GUCY2C: variants seen among roughly 807,000 people sequenced by gnomAD.
The protein encoded by GUCY2C is guanylate cyclase 2C.
GUCY2C carries 118 observed loss-of-function variants against 131.1 expected under a neutral mutation model. That is an observed-to-expected ratio of 0.90 (90% CI 0.78 to 1.05). The LOEUF (loss-of-function observed/expected upper bound fraction) is 1.05, where lower values mean the gene tolerates loss of function less well. GUCY2C is among the 50% of genes least tolerant of loss of function. The pLI is 0.00. For synonymous variants in GUCY2C, 452 were observed against 457.8 expected, an observed-to-expected ratio of 0.99 and a Z score of 0.16; for missense variants, 1,161 against 1,304.4, an observed-to-expected ratio of 0.89 and a Z score of 1.69.
In GUCY2C at chr12:14,625,105, T is replaced by C. The variant is rs12231047; in HGVS notation, c.2408+652A>G. 1.4e-3 allele frequency among the ~76,000 whole-genome samples: 215 copies of C among 152,304 alleles called. 3 individuals carry two copies. In the South Asian group the frequency reaches 0.019, roughly 13 times the overall value. ...GTTGCAAGACACCACTTGCCAAATGTGTTCCAACTCCTTTCCCCCAAGCTG... is the reference window on the plus strand; with the variant it reads ...GTTGCAAGACACCACTTGCCAAATGCGTTCCAACTCCTTTCCCCCAAGCTG... On this transcript the variant is annotated intron_variant, in intron 21 of 26. Coordinates refer to ENST00000261170, the MANE Select transcript of GUCY2C (RefSeq NM_004963.4).
chr12:14,674,154 A>G (rs1048972245), intron 8 of GUCY2C: 4 of 173,290 alleles, frequency 2.3e-5, no homozygotes, highest in Non-Finnish European at 3.8e-5. Context: ...GGAAAGGGCA[A>G]CATTGATCCA....
In GUCY2C at chr12:14,656,637, G is replaced by A. The variant is rs750710175; in HGVS notation, c.1365-20C>T. Reference sequence around the variant, plus strand: ...TATTTTCTGTGAAAGGAATAAAACTGGTCAATAGGTTTTTATTAATATCCA... The same window carrying A: ...TATTTTCTGTGAAAGGAATAAAACTAGTCAATAGGTTTTTATTAATATCCA... On this transcript the variant is annotated intron_variant, in intron 11 of 26. Transcript: ENST00000261170. 8.5e-7 allele frequency: 1 copy of A among 1,178,464 alleles called. No individual in the cohort carries two copies. The allele number at this position is 1,178,464 out of a possible 1,614,324, so 73.0% of individuals were successfully genotyped here. A position where few individuals can be genotyped will look rare whatever the true frequency, so the allele number is the denominator to read the frequency against.
In GUCY2C at chr12:14,676,907, GC is replaced by G. The variant is rs1177233101; in HGVS notation, c.894del (p.Leu299CysfsTer8). On this transcript the variant is annotated frameshift_variant, in exon 7 of 27. Transcript: ENST00000261170. LOFTEE classifies it high-confidence loss of function. Reference sequence around the variant, plus strand: ...TTTAGAAGGGAATTCCCAGGAGACAGCGTCAGAACAAGGACATTTTTCATAT... The same window carrying G: ...TTTAGAAGGGAATTCCCAGGAGACAGGTCAGAACAAGGACATTTTTCATAT... ...PDYMKNVLVL[T>X]LSPGNSLLNS... The G allele has an allele frequency of 6.4e-7, 1 of 1,574,198 alleles. No individual in the cohort carries two copies. The highest frequency in any genetic ancestry group is 1.2e-5 in the South Asian group (1 of 85,644).
chr12:14,674,617 A>G lies in GUCY2C; in HGVS notation c.1084+8T>C. The stretch of plus-strand genomic sequence containing the variant: ...CCTTGGGGTTATTTGCTCTTAGTAG[A>G]CCAGTACCTTCAAAAGTGAGATTCC... On this transcript the variant is annotated splice_region_variant and intron_variant, in intron 8 of 26. Coordinates refer to ENST00000261170, the MANE Select transcript of GUCY2C (RefSeq NM_004963.4). 1 of 1,613,074 alleles carries G rather than the reference A, an allele frequency of 6.2e-7. No individual in the cohort carries two copies. The highest frequency in any genetic ancestry group is 8.5e-7 in the Non-Finnish European group (1 of 1,179,272).
chr12:14,651,817 G>T, intron 14 of GUCY2C, 142 bp downstream of exon 14: 1 of 581,618 alleles, frequency 1.7e-6, no homozygotes, highest in South Asian at 2.4e-5. Context: ...ATATCTCTTG[G>T]TAGAATTTTC....
At chr12:14,637,040 C>A (rs1947284402) in intron 19 of GUCY2C, among the ~76,000 whole-genome samples, 1 of 151,800 alleles carries the variant, frequency 6.6e-6, no homozygotes, top group African/African-American at 2.4e-5. Flanking sequence ...TTGCAGTGAG[C>A]CGAGATCACT....
Position 14,639,875 on chromosome 12 carries a change from T to A in GUCY2C, c.2144A>T (p.Glu715Val). ...AGATATACTCACTTCTAGCTCTTTT[T>A]CCTCTGCTGTTTCCAAGAATAAATC... ...RPDLFLETAE[E>V]KELEVYLLVK... The change falls in exon 19 of 27, where the codon GAA becomes GTA. Residue 715 changes from glutamate (E) to valine (V), a missense_variant. Coordinates refer to ENST00000261170, the MANE Select transcript of GUCY2C (RefSeq NM_004963.4). 1 of 1,597,598 alleles carries A rather than the reference T, an allele frequency of 6.3e-7. No individual in the cohort carries two copies. The highest frequency in any genetic ancestry group is 8.6e-7 in the Non-Finnish European group (1 of 1,164,920).
At chr12:14,663,459 T>C (rs1388051166) in intron 10 of GUCY2C, among the ~76,000 whole-genome samples, 1 of 152,166 alleles carries the variant, frequency 6.6e-6, no homozygotes, top group Non-Finnish European at 1.5e-5. Context: ...TTTTTTGTAT[T>C]TTTAGTAGAG....
At chr12:14,674,444 C>T (rs1339237160) in intron 8 of GUCY2C, 181 bp downstream of exon 8, 12 of 686,676 alleles carry the variant, frequency 1.7e-5, no homozygotes, top group South Asian at 6.2e-5. Context: ...AAACATAAAC[C>T]GGAGTTCAGT....
In GUCY2C at chr12:14,625,852, A is replaced by C; in HGVS notation, c.2313T>G (p.Tyr771Ter). ...CTACCAGATGTTCCAGGTTTCGAGA[A>C]TATAGCTGTAGACGTCGGATCAAGG... ...MDTLIRRLQL[Y>*]SRNLEHLVEE... Residue 771 changes from tyrosine (Y) to a stop codon, truncating the protein, a stop_gained, in exon 21 of 27, where the codon TAT (tyrosine) becomes TAG (stop). Transcript: ENST00000261170. LOFTEE classifies it high-confidence loss of function. The C allele has an allele frequency of 6.2e-7, 1 of 1,613,828 alleles. No individual in the cohort carries two copies. Among genetic ancestry groups the C allele is most frequent in the Non-Finnish European group, 8.5e-7 (1 of 1,179,730 alleles).
chr12:14,660,798 T>C (rs1287218184), intron 11 of GUCY2C, among the ~76,000 whole-genome samples, 183 bp downstream of exon 11: 1 of 152,208 alleles, frequency 6.6e-6, no homozygotes, highest in African/African-American at 2.4e-5. Context: ...AAAGCCCTAA[T>C]CTATTCACTC....
rs199636407 is a variant in GUCY2C at position 14,669,804 on chromosome 12, G to C, written c.1200C>G (p.His400Gln). ...KYKVLLTYDT[H>Q]VNKTYPVDMS... ...TATCCACAGGATAGGTCTTATTTAC[G>C]TGGGTATCATAGGTCAAAAGAACCT... The change falls in exon 10 of 27, where the codon CAC becomes CAG. Residue 400 changes from histidine to glutamine, a missense_variant. By Grantham distance (24) the His-to-Gln change is conservative. Coordinates refer to ENST00000261170, the MANE Select transcript of GUCY2C (RefSeq NM_004963.4). The C allele has an allele frequency of 5.4e-5, 86 of 1,593,344 alleles. No individual in the cohort carries two copies. Among genetic ancestry groups the C allele is most frequent in the Non-Finnish European group, 6.7e-5 (78 of 1,164,122 alleles).
intron 18 of GUCY2C, 77 bp downstream of exon 18, chr12:14,641,005 C>T (rs781194969): frequency 2.0e-5 from 26 of 1,311,416 alleles, no homozygotes; most frequent in Admixed American, 8.7e-5. Flanking sequence ...TGGTTACAGA[C>T]AGATTAGGGT....
Position 14,674,650 on chromosome 12 carries a change from A to G in GUCY2C, c.1059T>C (p.His353=), listed in dbSNP as rs754836535. 1 of 1,613,780 alleles carries G rather than the reference A, an allele frequency of 6.2e-7. No individual in the cohort carries two copies. The highest frequency in any genetic ancestry group is 8.5e-7 in the Non-Finnish European group (1 of 1,179,760). The change falls in exon 8 of 27, where the codon CAT becomes CAC. Residue 353 remains histidine, a synonymous_variant. Coordinates refer to ENST00000261170, the MANE Select transcript of GUCY2C (RefSeq NM_004963.4). ...GENITTPKFA[H]AFRNLTFEGY... Reference sequence around the variant, plus strand: ...CTTCAAAAGTGAGATTCCTGAAAGCATGAGCAAATTTGGGGGTGGTAATAT... The same window carrying G: ...CTTCAAAAGTGAGATTCCTGAAAGCGTGAGCAAATTTGGGGGTGGTAATAT...
intron 23 of GUCY2C, 77 bp downstream of exon 23, chr12:14,620,965 C>T: frequency 1.7e-6 from 2 of 1,156,816 alleles, no homozygotes; most frequent in South Asian, 2.8e-5. Context: ...CACTTGAAGA[C>T]CTTTTATCCT....
chr12:14,659,907 T>A (rs141682544), intron 11 of GUCY2C, among the ~76,000 whole-genome samples: 2 of 152,326 alleles, frequency 1.3e-5, no homozygotes, highest in African/African-American at 4.8e-5. Context: ...CCTGTTATTA[T>A]CTTTGATCTT....
chr12:14,616,836 GA>G, intron 24 of GUCY2C, 109 bp from the exon 25 acceptor site: 2 of 721,276 alleles, frequency 2.8e-6, no homozygotes. Flanking sequence ...AAATCAAGAA[GA>G]AACAATTGTG....
chr12:14,685,789 C>A (rs556441038), intron 3 of GUCY2C, among the ~76,000 whole-genome samples: 1 of 152,120 alleles, frequency 6.6e-6, no homozygotes, highest in Non-Finnish European at 1.5e-5. Context: ...CCTACTAGTA[C>A]CCTGGGGTGT....
intron 15 of GUCY2C, among the ~76,000 whole-genome samples, 194 bp from the exon 16 acceptor site, chr12:14,645,509 A>G (rs1947502669): frequency 6.6e-6 from 1 of 152,178 alleles, no homozygotes; most frequent in African/African-American, 2.4e-5. Context: ...GGTTTTTGCC[A>G]CCTGGATATG....
Sources: allele counts gnomAD v4.1 joint callset (sites outside exome capture counted in the v4.1 genomes callset), GRCh38; gene constraint gnomAD v4.1.1; transcripts MANE v1.5; gene names NCBI Gene and HGNC (gene_info 2026-07-23, HGNC 2026-07-21).